Variants in SNTG1 observed in about 807,000 individuals in gnomAD.
The protein encoded by SNTG1 is gamma-1-syntrophin.
A neutral mutation model predicts 74.7 loss-of-function variants in SNTG1; 39 were observed. That is an observed-to-expected ratio of 0.52 (90% CI 0.40 to 0.68). SNTG1 has a LOEUF of 0.68. SNTG1 is among the 30% of genes least tolerant of loss of function. The pLI is 0.00. For missense variants in SNTG1, 685 were observed against 609.5 expected, an observed-to-expected ratio of 1.12 and a Z score of -1.30; for synonymous variants, 254 against 217.1, an observed-to-expected ratio of 1.17 and a Z score of -1.49.
chr8:50,669,106 C>T (rs1218984351), intron 15 of SNTG1, among the ~76,000 whole-genome samples: 1 of 151,340 alleles, frequency 6.6e-6, no homozygotes, highest in East Asian at 2.0e-4. Context: ...AAATTGACAC[C>T]CTAACATCAC....
chr8:49,934,672 A>T (rs1479673194), intron 1 of SNTG1, among the ~76,000 whole-genome samples: 1 of 152,240 alleles, frequency 6.6e-6, no homozygotes, highest in Non-Finnish European at 1.5e-5. Context: ...TGTCATGATT[A>T]TGTCGACAAG....
chr8:50,707,017 TTAAA>T (rs1390394455), intron 16 of SNTG1, among the ~76,000 whole-genome samples: 2 of 152,110 alleles, frequency 1.3e-5, no homozygotes, highest in African/African-American at 4.8e-5. Context: ...AAACAACAAA[TTAAA>T]TATTTCAATA....
At chr8:50,592,604 A>T (rs967185410) in intron 13 of SNTG1, among the ~76,000 whole-genome samples, 1 of 152,092 alleles carries the variant, frequency 6.6e-6, no homozygotes. Context: ...AGTAATAAAA[A>T]CTTTAATATT....
intron 9 of SNTG1, among the ~76,000 whole-genome samples, chr8:50,513,632 G>T (rs1481546661): frequency 6.6e-6 from 1 of 152,206 alleles, no homozygotes; most frequent in Admixed American, 6.5e-5. Flanking sequence ...CCCCTCCCCA[G>T]CCTCACTGCT....
At chr8:50,153,261 C>T (rs1476578761) in intron 1 of SNTG1, among the ~76,000 whole-genome samples, 2 of 152,164 alleles carry the variant, frequency 1.3e-5, no homozygotes, top group African/African-American at 2.4e-5. Flanking sequence ...TCCATCAGGT[C>T]ATTTAAGGAC....
At chr8:50,410,940 C>A (rs2131394985) in intron 4 of SNTG1, among the ~76,000 whole-genome samples, 1 of 152,108 alleles carries the variant, frequency 6.6e-6, no homozygotes, top group East Asian at 1.9e-4. Context: ...TAAAATTTGA[C>A]CCATTCTAAG....
chr8:50,135,595 G>A (rs2081446481), intron 1 of SNTG1, among the ~76,000 whole-genome samples: 1 of 151,702 alleles, frequency 6.6e-6, no homozygotes, highest in African/African-American at 2.4e-5. Flanking sequence ...ACCTTTACAA[G>A]GTCTTTCATG....
chr8:49,987,686 C>A (rs1293246126), intron 1 of SNTG1, among the ~76,000 whole-genome samples: 2 of 137,926 alleles, frequency 1.5e-5, no homozygotes, highest in Non-Finnish European at 3.0e-5. Context: ...TCTGGCACTG[C>A]CACCCAGGCT....
chr8:50,077,665 AT>A (rs1218537183), intron 1 of SNTG1, among the ~76,000 whole-genome samples: 1 of 152,168 alleles, frequency 6.6e-6, no homozygotes, highest in Non-Finnish European at 1.5e-5. Flanking sequence ...ATCATCAACC[AT>A]CATTAGAACT....
At chr8:50,509,016 A>G (rs2094038180) in intron 9 of SNTG1, among the ~76,000 whole-genome samples, 3 of 152,098 alleles carry the variant, frequency 2.0e-5, no homozygotes, top group Admixed American at 6.6e-5. Context: ...CCTGAATGGT[A>G]TTGCTTAGGT....
At chr8:49,914,185 A>T (rs1195546474) in intron 1 of SNTG1, among the ~76,000 whole-genome samples, 7 of 152,216 alleles carry the variant, frequency 4.6e-5, no homozygotes, top group Admixed American at 4.6e-4. Flanking sequence ...GGGGTAGTGG[A>T]AACCAATCTT....
intron 15 of SNTG1, 55 bp downstream of exon 15, chr8:50,658,718 T>A: frequency 8.3e-7 from 1 of 1,200,632 alleles, no homozygotes; most frequent in Non-Finnish European, 1.2e-6. Context: ...AAATAGTGCC[T>A]CTGGGCTCAT....
At chr8:50,749,352 G>C (rs2095562067) in intron 17 of SNTG1, among the ~76,000 whole-genome samples, 1 of 152,026 alleles carries the variant, frequency 6.6e-6, no homozygotes, top group Non-Finnish European at 1.5e-5. Flanking sequence ...GGTTTAAGGA[G>C]AGAAGCCATC....
At chr8:50,544,902 T>C (rs538959952) in intron 11 of SNTG1, among the ~76,000 whole-genome samples, 1 of 152,096 alleles carries the variant, frequency 6.6e-6, no homozygotes, top group East Asian at 1.9e-4. Context: ...AAAAGATAAA[T>C]AAGTGATTTA....
intron 4 of SNTG1, among the ~76,000 whole-genome samples, chr8:50,433,102 C>T (rs1005908037): frequency 1.4e-4 from 22 of 152,194 alleles, no homozygotes; most frequent in African/African-American, 2.4e-5. Context: ...AAAATATTTC[C>T]CTTTTAGTAT....
intron 12 of SNTG1, among the ~76,000 whole-genome samples, chr8:50,590,218 T>C (rs1329238173): frequency 6.6e-6 from 1 of 152,150 alleles, no homozygotes; most frequent in Admixed American, 6.5e-5. Context: ...ACAAAGCTAT[T>C]GGAAGGTAAT....
intron 12 of SNTG1, among the ~76,000 whole-genome samples, chr8:50,581,078 C>T (rs1045262054): frequency 6.6e-6 from 1 of 152,124 alleles, no homozygotes; most frequent in African/African-American, 2.4e-5. Context: ...TAAAATGCTC[C>T]TGTAGAAACA....
chr8:50,692,690 G>A (rs918111340), intron 15 of SNTG1, among the ~76,000 whole-genome samples: 2 of 152,142 alleles, frequency 1.3e-5, no homozygotes, highest in African/African-American at 2.4e-5. Context: ...TAGGCTACTT[G>A]GGGGTCAGGG....
intron 13 of SNTG1, among the ~76,000 whole-genome samples, chr8:50,644,963 C>T (rs1483593090): frequency 2.7e-5 from 4 of 149,774 alleles, no homozygotes; most frequent in Admixed American, 1.3e-4. Flanking sequence ...GCTATGTTGC[C>T]GAGGCTGGTC....
Sources: gnomAD v4.1 joint callset for allele counts (sites outside exome capture counted in the v4.1 genomes callset) on GRCh38, gnomAD v4.1.1 for gene constraint, MANE v1.5 for transcripts, NCBI Gene and HGNC (gene_info 2026-07-23, HGNC 2026-07-21) for gene names.